ABTB2: variants seen among roughly 807,000 people sequenced by gnomAD.
ABTB2 encodes ankyrin repeat and BTB domain containing 2, also known as ankyrin repeat and BTB/POZ domain-containing protein 2.
Under a neutral mutation model 104.1 loss-of-function variants are expected in ABTB2, and 56 were observed. The ratio of observed to expected loss-of-function variants is 0.54; its 90% confidence interval spans 0.43 to 0.67. The LOEUF (loss-of-function observed/expected upper bound fraction) is 0.67, where lower values mean the gene tolerates loss of function less well. ABTB2 is among the 30% of genes least tolerant of loss of function. The probability of loss-of-function intolerance (pLI) is 0.00; values close to 1 mark genes in which losing one functional copy is unlikely to be tolerated. For synonymous variants in ABTB2, 606 were observed against 608.2 expected, an observed-to-expected ratio of 1.00 and a Z score of 0.05; for missense variants, 1,279 against 1,407.7, an observed-to-expected ratio of 0.91 and a Z score of 1.46.
intron 7 of ABTB2, among the ~76,000 whole-genome samples, chr11:34,166,224 G>A (rs996101922): frequency 2.0e-5 from 3 of 152,248 alleles, no homozygotes; most frequent in Non-Finnish European, 4.4e-5. Flanking sequence ...CCCTTCCCCT[G>A]GATACCAGGA....
chr11:34,164,757 C>T lies in ABTB2; in HGVS notation c.1917G>A (p.Glu639=). 6.4e-7 allele frequency: 1 copy of T among 1,561,022 alleles called. No individual in the cohort carries two copies. The highest frequency in any genetic ancestry group is 8.6e-7 in the Non-Finnish European group (1 of 1,163,182). ...RGADPLLSML[E]AHGMGSSLHE... ...GGAGGGAGGAGCCCATGCCGTGGGCCTCCAGCATGCTGAGGAGGGGGTCGG... is the reference window on the plus strand; with the variant it reads ...GGAGGGAGGAGCCCATGCCGTGGGCTTCCAGCATGCTGAGGAGGGGGTCGG... Residue 639 remains glutamate (E), a synonymous_variant, in exon 9 of 17, where the codon GAG becomes GAA. Coordinates refer to ENST00000435224, the MANE Select transcript of ABTB2 (RefSeq NM_145804.3).
Position 34,357,733 on chromosome 11 carries a change from G to T in ABTB2, c.-150C>A. On this transcript the variant is annotated 5_prime_UTR_variant, in exon 1 of 17. Transcript: ENST00000435224. ...GGCTCGGCGGCCGCATTGCCTGCCCGGAGGCCGCGGGAAGGTGGCCGAGAT... is the reference window on the plus strand; with the variant it reads ...GGCTCGGCGGCCGCATTGCCTGCCCTGAGGCCGCGGGAAGGTGGCCGAGAT... The T allele has an allele frequency of 1.1e-6, 1 of 870,908 alleles. No individual in the cohort carries two copies. The highest frequency in any genetic ancestry group is 1.6e-6 in the Non-Finnish European group (1 of 620,700). 53.9% of individuals were successfully genotyped at this position (870,908 alleles called of 1,614,324 possible). A position where few individuals can be genotyped will look rare whatever the true frequency, so the allele number is the denominator to read the frequency against.
intron 1 of ABTB2, among the ~76,000 whole-genome samples, chr11:34,328,623 C>T (rs1010035436): frequency 6.6e-6 from 1 of 152,246 alleles, no homozygotes; most frequent in Non-Finnish European, 1.5e-5. Flanking sequence ...GCAGAAACCA[C>T]CTTTTTGTTC....
At chr11:34,276,561 A>T (rs939639356) in intron 1 of ABTB2, among the ~76,000 whole-genome samples, 4 of 152,256 alleles carry the variant, frequency 2.6e-5, no homozygotes, top group Non-Finnish European at 4.4e-5. Flanking sequence ...CTGCCATTTC[A>T]TCTCTGCTTT....
intron 3 of ABTB2, among the ~76,000 whole-genome samples, chr11:34,177,769 A>T (rs1852974246): frequency 6.6e-6 from 1 of 152,160 alleles, no homozygotes; most frequent in Middle Eastern, 3.4e-3. Flanking sequence ...GGGTTTCACC[A>T]TGTTGCCCAG....
At chr11:34,307,837 C>A (rs747948456) in intron 1 of ABTB2, among the ~76,000 whole-genome samples, 12 of 152,050 alleles carry the variant, frequency 7.9e-5, no homozygotes, top group Non-Finnish European at 1.5e-4. Context: ...TAGCTGGGAT[C>A]ACAGGCACGC....
intron 2 of ABTB2, among the ~76,000 whole-genome samples, chr11:34,199,562 C>G (rs945862424): frequency 6.6e-6 from 1 of 152,188 alleles, no homozygotes; most frequent in Admixed American, 6.5e-5. Context: ...TAGATTGATT[C>G]AAGTCAGACA....
At chr11:34,218,688 A>G (rs1853577287) in intron 1 of ABTB2, among the ~76,000 whole-genome samples, 1 of 151,798 alleles carries the variant, frequency 6.6e-6, no homozygotes, top group East Asian at 1.9e-4. Flanking sequence ...CATCTCTACT[A>G]AAAACACAAA....
chr11:34,292,215 A>G (rs1854571709), intron 1 of ABTB2, among the ~76,000 whole-genome samples: 1 of 152,116 alleles, frequency 6.6e-6, no homozygotes, highest in Non-Finnish European at 1.5e-5. Flanking sequence ...CCTCCCCAGT[A>G]ATGAGGGAAG....
chr11:34,232,985 A>G (rs1327474703), intron 1 of ABTB2, among the ~76,000 whole-genome samples: 1 of 150,926 alleles, frequency 6.6e-6, no homozygotes, highest in Non-Finnish European at 1.5e-5. Context: ...CTCCCCCCAA[A>G]ACCCCAAATG....
chr11:34,331,827 C>T (rs1189038563), intron 1 of ABTB2, among the ~76,000 whole-genome samples: 1 of 152,220 alleles, frequency 6.6e-6, no homozygotes, highest in Admixed American at 6.5e-5. Flanking sequence ...AAAACCCCAG[C>T]TTTGCTGCTA....
chr11:34,250,580 G>A (rs1371215117), intron 1 of ABTB2, among the ~76,000 whole-genome samples: 2 of 152,180 alleles, frequency 1.3e-5, no homozygotes, highest in Non-Finnish European at 2.9e-5. Context: ...CAGAAACAGA[G>A]ATAAAACTTC....
At chr11:34,153,025 T>G (rs961552137) in intron 16 of ABTB2, among the ~76,000 whole-genome samples, 2 of 152,020 alleles carry the variant, frequency 1.3e-5, no homozygotes, top group African/African-American at 2.4e-5. Flanking sequence ...TGTCCTAGTT[T>G]GGGAGAGACA....
intron 3 of ABTB2, among the ~76,000 whole-genome samples, 195 bp downstream of exon 3, chr11:34,197,130 G>GA (rs11437700): frequency 0.21 from 31,783 of 151,450 alleles, 3,487 homozygotes; most frequent in African/African-American, 0.26. Context: ...CAGCTCAGAG[G>GA]AAAAAAAAAT....
In ABTB2 at chr11:34,356,807, G is replaced by A; in HGVS notation, c.777C>T (p.Gly259=). 6.2e-7 allele frequency: 1 copy of A among 1,607,806 alleles called. No homozygotes were observed. Among genetic ancestry groups the A allele is most frequent in the East Asian group, 2.2e-5 (1 of 44,718 alleles). Residue 259 remains glycine, a synonymous_variant, in exon 1 of 17, where the codon GGC becomes GGT. Coordinates refer to ENST00000435224, the MANE Select transcript of ABTB2 (RefSeq NM_145804.3). The surrounding 1 kb of genome is among the most constrained non-coding windows in gnomAD (Gnocchi z 4.6). Reference sequence around the variant, plus strand: ...CCAGGGCCTCAGCAGACACCTCCCCGCCTCCGGCCCCTCCGCCATCAGGGC... The same window carrying A: ...CCAGGGCCTCAGCAGACACCTCCCCACCTCCGGCCCCTCCGCCATCAGGGC... The part of the protein sequence containing the change: ...SHSPDGGGAG[G]GEVSAEALEM...
At chr11:34,216,151 A>C (rs2133047485) in intron 1 of ABTB2, among the ~76,000 whole-genome samples, 1 of 152,328 alleles carries the variant, frequency 6.6e-6, no homozygotes, top group Non-Finnish European at 1.5e-5. Context: ...CAGCCAAATA[A>C]ATATTGGATA....
intron 1 of ABTB2, among the ~76,000 whole-genome samples, chr11:34,234,458 C>A (rs147748547): frequency 6.6e-6 from 1 of 152,130 alleles, no homozygotes; most frequent in Non-Finnish European, 1.5e-5. Context: ...TCACTGATAA[C>A]AAGACTAACT....
At chr11:34,254,888 G>A (rs902607936) in intron 1 of ABTB2, among the ~76,000 whole-genome samples, 3 of 152,036 alleles carry the variant, frequency 2.0e-5, no homozygotes, top group Admixed American at 2.0e-4. Flanking sequence ...GGCCAGGCTG[G>A]TCTCAAACTC....
intron 1 of ABTB2, among the ~76,000 whole-genome samples, chr11:34,319,039 T>C (rs576374439): frequency 1.2e-3 from 187 of 152,272 alleles, no homozygotes; most frequent in African/African-American, 4.4e-3. Context: ...GGCACTGTCT[T>C]AGCAAGGATG....
Sources: gnomAD v4.1 joint callset for allele counts (sites outside exome capture counted in the v4.1 genomes callset) on GRCh38, gnomAD v4.1.1 for gene constraint, Gnocchi (gnomAD v3.1) non-coding constraint, MANE v1.5 for transcripts, NCBI Gene and HGNC (gene_info 2026-07-23, HGNC 2026-07-21) for gene names.